DNAJB2: variants seen among roughly 807,000 people sequenced by gnomAD.
DNAJB2 encodes DnaJ heat shock protein family (Hsp40) member B2.
DNAJB2 carries 19 observed loss-of-function variants against 33.3 expected under a neutral mutation model. The ratio of observed to expected loss-of-function variants is 0.57; its 90% confidence interval spans 0.40 to 0.84. The LOEUF (loss-of-function observed/expected upper bound fraction) is 0.84, where lower values mean the gene tolerates loss of function less well. DNAJB2 is among the 40% of genes least tolerant of loss of function. The pLI is 0.00. For synonymous variants in DNAJB2, 172 were observed against 164.6 expected, an observed-to-expected ratio of 1.04 and a Z score of -0.34; for missense variants, 368 against 430.9, an observed-to-expected ratio of 0.85 and a Z score of 1.29.
intron 2 of DNAJB2, chr2:219,280,147 T>TC (rs1316988207): frequency 1.8e-6 from 1 of 542,058 alleles, no homozygotes; most frequent in East Asian, 3.1e-5. Flanking sequence ...CAGTTGATCT[T>TC]CCCCTCCTCC....
At position 219,283,063 on chromosome 2, in the gene DNAJB2, C is replaced by G. The variant is rs569644807; in HGVS notation, c.446-70C>G. 9.3e-5 allele frequency: 148 copies of G among 1,595,736 alleles called. No individual in the cohort carries two copies. In the East Asian group the frequency reaches 1.9e-3, roughly 20 times the overall value. ...AGCCCTGCGAGGCGGCCTGGAGCCT[C>G]GGTGACCACAACAGGCAGCGCAGTC... On this transcript the variant is annotated intron_variant, in intron 6 of 8. Transcript: ENST00000336576.
In DNAJB2 at chr2:219,286,098, T is replaced by G; in HGVS notation, c.*1111T>G. ...CTCCATTTCTCCCCCTCACCCATGC[T>G]GAGTGTAGAGCCGGGGCCTGGGTGG... On this transcript the variant is annotated 3_prime_UTR_variant, in exon 9 of 9. Coordinates refer to ENST00000336576, the MANE Select transcript of DNAJB2 (RefSeq NM_006736.6). 8.3e-7 allele frequency: 1 copy of G among 1,207,660 alleles called. No homozygotes were observed. 74.8% of individuals were successfully genotyped at this position (1,207,660 alleles called of 1,614,324 possible).
rs1273917887 is a variant in DNAJB2, at chr2:219,286,834, C to T, written c.*1847C>T. Reference sequence around the variant, plus strand: ...CTGAGCCTCAGAGACGAACCAAAACCAGCTGGGCTGAGCTCAGATCCAGGG... The same window carrying T: ...CTGAGCCTCAGAGACGAACCAAAACTAGCTGGGCTGAGCTCAGATCCAGGG... On this transcript the variant is annotated 3_prime_UTR_variant, in exon 9 of 9. Transcript: ENST00000336576. 1 of 152,278 alleles carries T rather than the reference C, an allele frequency of 6.6e-6. No individual in the cohort carries two copies. The highest frequency in any genetic ancestry group is 1.5e-5 in the Non-Finnish European group (1 of 68,090). 9.4% of individuals were successfully genotyped at this position (152,278 alleles called of 1,614,324 possible).
Position 219,285,458 on chromosome 2 carries a change from C to T in DNAJB2, c.*471C>T. Reference sequence around the variant, plus strand: ...AGCTGCAGACCCCCAACCCTGGTTTCTGTGCCATGTTGCGCTCTGACCGTC... The same window carrying T: ...AGCTGCAGACCCCCAACCCTGGTTTTTGTGCCATGTTGCGCTCTGACCGTC... On this transcript the variant is annotated 3_prime_UTR_variant, in exon 9 of 9. Coordinates refer to ENST00000336576, the MANE Select transcript of DNAJB2 (RefSeq NM_006736.6). 9.9e-7 allele frequency: 1 copy of T among 1,005,244 alleles called. No homozygotes were observed. The highest frequency in any genetic ancestry group is 4.5e-5 in the South Asian group (1 of 22,178). 62.3% of individuals were successfully genotyped at this position (1,005,244 alleles called of 1,614,324 possible).
At position 219,285,308 on chromosome 2, in the gene DNAJB2, C is replaced by T. The variant is rs1951944918; in HGVS notation, c.*321C>T. 3.7e-6 allele frequency: 4 copies of T among 1,069,396 alleles called. No homozygotes were observed. Among genetic ancestry groups the T allele is most frequent in the Non-Finnish European group, 4.5e-6 (4 of 884,208 alleles). The allele number at this position is 1,069,396 out of a possible 1,614,324, so 66.2% of individuals were successfully genotyped here. A position where few individuals can be genotyped will look rare whatever the true frequency, so the allele number is the denominator to read the frequency against. On this transcript the variant is annotated 3_prime_UTR_variant, in exon 9 of 9. Transcript: ENST00000336576. ...GGGCTGGGCCTTTTGTGCCCTGGTA[C>T]TCTGCCACCTGTGTTGCTGATGGTG...
rs1951918309 is a variant in DNAJB2 at position 219,282,879 on chromosome 2, G to A, written c.395G>A (p.Arg132Gln). Residue 132 changes from arginine to glutamine, a missense_variant, in exon 6 of 9, where the codon CGA (arginine) becomes CAA (glutamine). Transcript: ENST00000336576. Reference sequence around the variant, plus strand: ...TCAGAGCTTCAGAACCGGGGTTCCCGACACTCAGGCCCCTTCTTTACCTTC... The same window carrying A: ...TCAGAGCTTCAGAACCGGGGTTCCCAACACTCAGGCCCCTTCTTTACCTTC... ...PFSELQNRGS[R>Q]HSGPFFTFSS... 3 of 1,607,006 alleles carry A rather than the reference G, an allele frequency of 1.9e-6. No homozygotes were observed. Among genetic ancestry groups the A allele is most frequent in the African/African-American group, 1.3e-5 (1 of 74,524 alleles).
intron 3 of DNAJB2, 47 bp from the exon 4 acceptor site, chr2:219,281,671 G>C (rs750218650): frequency 1.2e-5 from 19 of 1,612,580 alleles, no homozygotes; most frequent in South Asian, 2.2e-5. Flanking sequence ...CCTGGGAGGG[G>C]AGCCCATCCC....
intron 3 of DNAJB2, 87 bp from the exon 4 acceptor site, chr2:219,281,631 A>G: frequency 6.4e-7 from 1 of 1,564,086 alleles, no homozygotes; most frequent in Non-Finnish European, 8.8e-7. Context: ...TCAGAGTGTC[A>G]GTCTCTGGAC....
Position 219,283,415 on chromosome 2 carries a change from A to G in DNAJB2, c.549-4A>G, listed in dbSNP as rs548673998. 5.3e-5 allele frequency: 86 copies of G among 1,613,858 alleles called. No homozygotes were observed. The South Asian group carries it at 8.3e-4, about 16-fold the overall frequency. On this transcript the variant is annotated splice_region_variant and splice_polypyrimidine_tract_variant and intron_variant, in intron 7 of 8. Coordinates refer to ENST00000336576, the MANE Select transcript of DNAJB2 (RefSeq NM_006736.6). ...CGTTGCCTGAACTGTGCTGTCTCCC[A>G]CAGAATCATGGAGAACGGGCAGGAG... is the stretch of plus-strand genomic sequence containing the variant.
chr2:219,285,235 C>T lies in DNAJB2; in HGVS notation c.*248C>T. On this transcript the variant is annotated 3_prime_UTR_variant, in exon 9 of 9. Transcript: ENST00000336576. ...CAGGGCAGTGGAGGGGCCCGAGGAGCCAGGTTGCATTTATTGGATGGGGAG... is the reference window on the plus strand; with the variant it reads ...CAGGGCAGTGGAGGGGCCCGAGGAGTCAGGTTGCATTTATTGGATGGGGAG... 8.3e-7 allele frequency: 1 copy of T among 1,211,894 alleles called. No individual in the cohort carries two copies. The highest frequency in any genetic ancestry group is 3.4e-5 in the East Asian group (1 of 29,400). The allele number at this position is 1,211,894 out of a possible 1,614,324, so 75.1% of individuals were successfully genotyped here.
chr2:219,283,279 G>A (rs755679147), intron 7 of DNAJB2, 44 bp downstream of exon 7: 2 of 1,612,310 alleles, frequency 1.2e-6, no homozygotes, highest in South Asian at 1.1e-5. Flanking sequence ...GAGGTCTGCT[G>A]GGGAGCTGTG....
chr2:219,285,391 A>T lies in DNAJB2; in HGVS notation c.*404A>T. On this transcript the variant is annotated 3_prime_UTR_variant, in exon 9 of 9. Transcript: ENST00000336576. The stretch of plus-strand genomic sequence containing the variant: ...GAGCCGGAGCCGGCAGCTCCACTGG[A>T]GAGCAGTGCAGGCAGAGTGGAGCCT... 2.0e-6 allele frequency: 2 copies of T among 1,011,648 alleles called. No homozygotes were observed. The highest frequency in any genetic ancestry group is 4.5e-5 in the South Asian group (1 of 22,302). The allele number at this position is 1,011,648 out of a possible 1,614,324, so 62.7% of individuals were successfully genotyped here.
Position 219,283,457 on chromosome 2 carries a change from A to G in DNAJB2, c.587A>G (p.Glu196Gly). Residue 196 changes from glutamate to glycine, a missense_variant, in exon 8 of 9, where the codon GAG (glutamate) becomes GGG (glycine). Transcript: ENST00000336576. ...GGGCAGGAGCGGGTGGAAGTGGAGG[A>G]GGATGGGCAGCTGAAGTCAGTCACA... ...ENGQERVEVE[E>G]DGQLKSVTIN... The G allele has an allele frequency of 1.9e-6, 3 of 1,614,086 alleles. No homozygotes were observed. Among genetic ancestry groups the G allele is most frequent in the Non-Finnish European group, 2.5e-6 (3 of 1,179,992 alleles).
At chr2:219,282,272 CTTATTAAATTACAACAATAATACAT>C in intron 5 of DNAJB2, 3 of 636,146 alleles carry the variant, frequency 4.7e-6, no homozygotes. Flanking sequence ...ACAGACTCAC[CTTATTAAATTACAACAATAATACAT>C]TGTTAGACTT....
At chr2:219,282,565 G>T in intron 5 of DNAJB2, 1 of 406,436 alleles carries the variant, frequency 2.5e-6, no homozygotes. Flanking sequence ...CTGTCATCGC[G>T]TCATGATGAT....
intron 3 of DNAJB2, chr2:219,280,970 C>G (rs1033291417): frequency 6.2e-5 from 27 of 433,540 alleles, no homozygotes; most frequent in Non-Finnish European, 8.3e-5. Flanking sequence ...TCCATGAGTT[C>G]TCACAGCCGT....
Position 219,280,688 on chromosome 2 carries a change from G to A in DNAJB2, c.175+1G>A. The A allele has an allele frequency of 1.9e-6, 3 of 1,609,320 alleles. No individual in the cohort carries two copies. Among genetic ancestry groups the A allele is most frequent in the Non-Finnish European group, 1.7e-6 (2 of 1,175,862 alleles). ...GAGGCATATGAAGTGCTGTCTGACA[G>A]TAAGGGCCGGGGTCAGGCAGGACCC... On this transcript the variant is annotated splice_donor_variant, in intron 3 of 8. Coordinates refer to ENST00000336576, the MANE Select transcript of DNAJB2 (RefSeq NM_006736.6). LOFTEE classifies it high-confidence loss of function.
chr2:219,279,863 G>C lies in DNAJB2; in HGVS notation c.30G>C (p.Val10=). Residue 10 remains valine, a synonymous_variant, in exon 2 of 9, where the codon GTG becomes GTC. Transcript: ENST00000336576. This position sits in a 1 kb window ranked among gnomAD's most constrained non-coding sequence, Gnocchi z 4.9. ...CATCCTACTACGAGATCCTAGACGT[G>C]CCGCGAAGTGCGTCCGCTGATGACA... MASYYEILD[V]PRSASADDIK... is the part of the protein sequence containing the mutation. The C allele has an allele frequency of 6.2e-7, 1 of 1,614,004 alleles. No individual in the cohort carries two copies. Among genetic ancestry groups the C allele is most frequent in the Non-Finnish European group, 8.5e-7 (1 of 1,179,986 alleles).
chr2:219,286,720 C>T lies in DNAJB2; in HGVS notation c.*1733C>T, dbSNP rs1951960385. On this transcript the variant is annotated 3_prime_UTR_variant, in exon 9 of 9. Transcript: ENST00000336576. ...CCTCTGACCCTGCTGCCCATTCTTT[C>T]CAACATCACAGATGAACTGCCTCTC... 6.6e-6 allele frequency: 1 copy of T among 152,342 alleles called. No homozygotes were observed. Among genetic ancestry groups the T allele is most frequent in the South Asian group, 2.1e-4 (1 of 4,834 alleles). 9.4% of individuals were successfully genotyped at this position (152,342 alleles called of 1,614,324 possible).
Sources: allele counts gnomAD v4.1 joint callset, GRCh38; gene constraint gnomAD v4.1.1; non-coding constraint Gnocchi (gnomAD v3.1); transcripts MANE v1.5; gene names NCBI Gene and HGNC (gene_info 2026-07-23, HGNC 2026-07-21).